The following PIAS2 variants were observed in gnomAD, a reference collection of about 807,000 sequenced individuals.
PIAS2 encodes the protein E3 SUMO-protein ligase PIAS2.
PIAS2 carries 19 observed loss-of-function variants against 69.7 expected under a neutral mutation model. The observed-to-expected ratio is 0.27, with a 90% CI of 0.19 to 0.40. The LOEUF (loss-of-function observed/expected upper bound fraction) is 0.40. Ranked by LOEUF, PIAS2 falls within the 10% of genes least tolerant of loss-of-function variation. The probability of loss-of-function intolerance (pLI) is 1.00; values close to 1 mark genes in which losing one functional copy is unlikely to be tolerated. For missense variants in PIAS2, 624 were observed against 757.0 expected, an observed-to-expected ratio of 0.82 and a Z score of 2.06; for synonymous variants, 261 against 263.2, an observed-to-expected ratio of 0.99 and a Z score of 0.08.
At chr18:46,859,166 C>T (rs79339430) in intron 3 of PIAS2, among the ~76,000 whole-genome samples, 108 of 152,234 alleles carry the variant, frequency 7.1e-4, no homozygotes, top group African/African-American at 2.5e-3. Context: ...CGGTAGCTCA[C>T]GCCCATAATC....
chr18:46,911,867 A>G (rs1839170504), intron 1 of PIAS2, among the ~76,000 whole-genome samples: 2 of 152,176 alleles, frequency 1.3e-5, no homozygotes, highest in South Asian at 4.2e-4. Context: ...CCTGACCAAC[A>G]TGGTGAAACC....
intron 1 of PIAS2, chr18:46,907,966 G>A (rs1302234677): frequency 6.6e-6 from 1 of 152,142 alleles, no homozygotes; most frequent in African/African-American, 2.4e-5. Flanking sequence ...GTCGCTTTTG[G>A]AAGAATGAGG....
chr18:46,846,346 C>G (rs2046160736), intron 6 of PIAS2: 1 of 159,662 alleles, frequency 6.3e-6, no homozygotes. Context: ...AACCATTTCT[C>G]CCCCAAACGG....
chr18:46,879,384 AT>A (rs1301989397), intron 2 of PIAS2, among the ~76,000 whole-genome samples: 2 of 1,572 alleles, frequency 1.3e-3, no homozygotes, highest in Non-Finnish European at 3.5e-3. Context: ...GATGGTCACT[AT>A]AAAAAAAAAT....
intron 3 of PIAS2, among the ~76,000 whole-genome samples, chr18:46,855,995 T>TG (rs2047703382): frequency 7.6e-6 from 1 of 131,796 alleles, no homozygotes; most frequent in African/African-American, 3.1e-5. Context: ...TCTTTTTCTT[T>TG]TGTTTTTTTT....
intron 2 of PIAS2, among the ~76,000 whole-genome samples, chr18:46,874,678 C>T (rs2050882467): frequency 6.6e-6 from 1 of 152,184 alleles, no homozygotes; most frequent in African/African-American, 2.4e-5. Flanking sequence ...GCCTTATTTA[C>T]ACTCCACTGC....
intron 6 of PIAS2, among the ~76,000 whole-genome samples, chr18:46,845,645 C>T (rs1045613349): frequency 6.6e-6 from 1 of 151,442 alleles, no homozygotes; most frequent in East Asian, 1.9e-4. Context: ...AAAAAAAAAC[C>T]TATCTTCCCA....
intron 3 of PIAS2, among the ~76,000 whole-genome samples, chr18:46,860,949 G>A (rs1382200376): frequency 2.6e-5 from 4 of 152,006 alleles, no homozygotes; most frequent in African/African-American, 9.7e-5. Flanking sequence ...CTGCACTCCA[G>A]CCTGGGCAAC....
chr18:46,912,873 T>G (rs1012184933), intron 1 of PIAS2, among the ~76,000 whole-genome samples: 17 of 152,130 alleles, frequency 1.1e-4, no homozygotes, highest in African/African-American at 4.1e-4. Context: ...TGCTTTCATT[T>G]AAAAAATATG....
chr18:46,882,991 C>G (rs2052530660), intron 2 of PIAS2, among the ~76,000 whole-genome samples: 1 of 150,858 alleles, frequency 6.6e-6, no homozygotes, highest in South Asian at 2.1e-4. Flanking sequence ...ATTGGGGAGG[C>G]TGCGGCAGGA....
chr18:46,882,825 T>G (rs1157963536), intron 2 of PIAS2, among the ~76,000 whole-genome samples: 1 of 152,148 alleles, frequency 6.6e-6, no homozygotes, highest in African/African-American at 2.4e-5. Context: ...TATTCACAGA[T>G]ATTACAAACA....
chr18:46,892,838 C>A (rs1304321147), intron 1 of PIAS2, among the ~76,000 whole-genome samples: 1 of 152,070 alleles, frequency 6.6e-6, no homozygotes, highest in Admixed American at 6.5e-5. Flanking sequence ...TCAAAACTAT[C>A]TTTTCATCTC....
chr18:46,870,676 G>A (rs565539574), intron 2 of PIAS2, among the ~76,000 whole-genome samples: 1 of 149,618 alleles, frequency 6.7e-6, no homozygotes, highest in African/African-American at 2.5e-5. Flanking sequence ...TGACCCATGT[G>A]GGGTAGCAGA....
At chr18:46,910,407 T>C (rs2057128527) in intron 1 of PIAS2, among the ~76,000 whole-genome samples, 2 of 152,160 alleles carry the variant, frequency 1.3e-5, no homozygotes, top group Non-Finnish European at 2.9e-5. Flanking sequence ...TTTGTACTTA[T>C]CAAATAACTT....
chr18:46,868,704 T>C (rs2049872738), intron 2 of PIAS2, among the ~76,000 whole-genome samples: 1 of 152,194 alleles, frequency 6.6e-6, no homozygotes, highest in African/African-American at 2.4e-5. Context: ...TAAATTTGCT[T>C]TGCTGAGAAA....
chr18:46,861,405 GAATT>G (rs2048643449), intron 3 of PIAS2, among the ~76,000 whole-genome samples: 2 of 152,140 alleles, frequency 1.3e-5, no homozygotes, highest in South Asian at 2.1e-4. Context: ...AGTGAACACT[GAATT>G]AATCTGCAAA....
chr18:46,904,058 AACTGGATGAG>A (rs2056257717), intron 1 of PIAS2: 1 of 152,224 alleles, frequency 6.6e-6, no homozygotes, highest in South Asian at 2.1e-4. Flanking sequence ...AGAGTGAGGG[AACTGGATGAG>A]ACAGGAACAA....
At chr18:46,885,534 G>GA (rs940981233) in intron 2 of PIAS2, among the ~76,000 whole-genome samples, 1 of 148,688 alleles carries the variant, frequency 6.7e-6, no homozygotes. Context: ...AAAAAAAAAA[G>GA]AAAAAAAAGA....
At chr18:46,899,791 T>G (rs1227375039) in intron 1 of PIAS2, among the ~76,000 whole-genome samples, 1 of 152,178 alleles carries the variant, frequency 6.6e-6, no homozygotes, top group African/African-American at 2.4e-5. Flanking sequence ...ATGTTCGTTT[T>G]TCACAGAAAA....
Sources: gnomAD v4.1 joint callset for allele counts (sites outside exome capture counted in the v4.1 genomes callset) on GRCh38, gnomAD v4.1.1 for gene constraint, MANE v1.5 for transcripts, NCBI Gene and HGNC (gene_info 2026-07-23, HGNC 2026-07-21) for gene names.